Variants in TRIM2 observed in about 807,000 individuals in gnomAD.
TRIM2 encodes the protein tripartite motif-containing protein 2.
TRIM2 carries 20 observed loss-of-function variants against 75.2 expected under a neutral mutation model. That is an observed-to-expected ratio of 0.27 (90% confidence interval 0.19 to 0.39). The LOEUF (loss-of-function observed/expected upper bound fraction) is 0.39, where lower values mean the gene tolerates loss of function less well. Ranked by LOEUF, TRIM2 falls within the 10% of genes least tolerant of loss-of-function variation. The probability of loss-of-function intolerance (pLI) is 1.00; values close to 1 mark genes in which losing one functional copy is unlikely to be tolerated. For synonymous variants in TRIM2, 373 were observed against 388.3 expected (o/e 0.96, Z 0.46); for missense variants, 660 against 990.8 (o/e 0.67, Z 4.48).
intron 4 of TRIM2, among the ~76,000 whole-genome samples, chr4:153,293,982 A>G (rs771664120): frequency 2.0e-5 from 3 of 152,162 alleles, no homozygotes; most frequent in Non-Finnish European, 4.4e-5. Context: ...ACATCATACA[A>G]TGCACCAGAC....
At chr4:153,284,916 C>T (rs934237691) in intron 3 of TRIM2, among the ~76,000 whole-genome samples, 1 of 152,014 alleles carries the variant, frequency 6.6e-6, no homozygotes, top group African/African-American at 2.4e-5. Context: ...TTATTAGTGT[C>T]CTTTGATTCA....
intron 1 of TRIM2, among the ~76,000 whole-genome samples, chr4:153,261,046 C>A (rs1485690097): frequency 2.6e-5 from 4 of 152,084 alleles, no homozygotes; most frequent in African/African-American, 9.7e-5. Flanking sequence ...CCAAATGGTT[C>A]AGGATTTCCT....
At chr4:153,270,027 C>T (rs563075031) in intron 1 of TRIM2, among the ~76,000 whole-genome samples, 1 of 152,222 alleles carries the variant, frequency 6.6e-6, no homozygotes, top group Non-Finnish European at 1.5e-5. Flanking sequence ...CTCCTGGGTT[C>T]AGGTGATTCT....
chr4:153,164,684 T>C (rs1035720455), intron 1 of TRIM2, among the ~76,000 whole-genome samples: 3 of 152,216 alleles, frequency 2.0e-5, no homozygotes, highest in Non-Finnish European at 4.4e-5. Flanking sequence ...GATATACATA[T>C]ACTACTGATT....
In TRIM2 at chr4:153,295,945, C is replaced by T. The variant is rs1256788144; in HGVS notation, c.1419C>T (p.Val473=). 1 of 1,588,214 alleles carries T rather than the reference C, an allele frequency of 6.3e-7. No individual in the cohort carries two copies. The highest frequency in any genetic ancestry group is 1.8e-5 in the Admixed American group (1 of 55,994). Residue 473 remains valine (V), a synonymous_variant, in exon 6 of 12, where the codon GTC becomes GTT. Coordinates refer to ENST00000338700, the MANE Select transcript of TRIM2 (RefSeq NM_015271.5). This position sits in a 1 kb window ranked among gnomAD's most constrained non-coding sequence, Gnocchi z 7.2. ...TTAAGTCCCCGGGGAGCGGCCACGT[C>T]AAGCAGAAAGCTGTGAAAAGACCCG... is the stretch of plus-strand genomic sequence containing the variant. ...RRVKSPGSGH[V]KQKAVKRPAS...
intron 1 of TRIM2, among the ~76,000 whole-genome samples, chr4:153,187,727 G>A (rs149645653): frequency 1.3e-5 from 2 of 152,290 alleles, no homozygotes; most frequent in African/African-American, 4.8e-5. Context: ...GGAAGTCTGT[G>A]TGAGGTAGAC....
chr4:153,301,250 G>A (rs72967143), intron 6 of TRIM2, among the ~76,000 whole-genome samples: 4,105 of 151,884 alleles, frequency 0.027, 103 homozygotes, highest in African/African-American at 0.07. Context: ...ACAAACTCTG[G>A]GCTCAATAGG....
intron 1 of TRIM2, among the ~76,000 whole-genome samples, chr4:153,190,741 T>C (rs1560797971): frequency 6.6e-6 from 1 of 152,094 alleles, no homozygotes; most frequent in Non-Finnish European, 1.5e-5. Flanking sequence ...TTTCTTTTTT[T>C]ATTTTGTATT....
chr4:153,296,442 G>A (rs557903608), intron 6 of TRIM2, among the ~76,000 whole-genome samples: 1 of 152,304 alleles, frequency 6.6e-6, no homozygotes, highest in South Asian at 2.1e-4. Flanking sequence ...TCCCTGGGAG[G>A]GTCTTCTTGT....
At position 153,270,378 on chromosome 4, in the gene TRIM2, G is replaced by T; in HGVS notation, c.74G>T (p.Trp25Leu). ...GSKTAGPPCQ[W>L]SRMASEGTNI... ...AAGACAGCCGGCCCCCCATGTCAGT[G>T]GTCTAGGATGGCCAGTGAAGGCACC... Residue 25 changes from tryptophan to leucine, a missense_variant, in exon 2 of 12, where the codon TGG becomes TTG. By Grantham distance (61) the Trp-to-Leu change is moderately conservative. Coordinates refer to ENST00000338700, the MANE Select transcript of TRIM2 (RefSeq NM_015271.5). 6.2e-7 allele frequency: 1 copy of T among 1,613,928 alleles called. No individual in the cohort carries two copies. Among genetic ancestry groups the T allele is most frequent in the Non-Finnish European group, 8.5e-7 (1 of 1,179,894 alleles).
intron 1 of TRIM2, among the ~76,000 whole-genome samples, chr4:153,188,987 C>T (rs112740222): frequency 0.024 from 3,630 of 152,118 alleles, 67 homozygotes; most frequent in Non-Finnish European, 0.036. Context: ...ATCTCCATGG[C>T]TTTGCACAGG....
At chr4:153,199,124 G>A (rs750177807) in intron 1 of TRIM2, among the ~76,000 whole-genome samples, 7 of 152,144 alleles carry the variant, frequency 4.6e-5, no homozygotes, top group East Asian at 1.9e-4. Context: ...AATAGGCCCC[G>A]GGGATATGTG....
At chr4:153,241,675 C>T (rs1369935737) in intron 1 of TRIM2, among the ~76,000 whole-genome samples, 4 of 152,168 alleles carry the variant, frequency 2.6e-5, no homozygotes, top group Non-Finnish European at 5.9e-5. Context: ...GCATTAAGAG[C>T]GCCTCGTTGC....
chr4:153,327,901 T>C lies in TRIM2; in HGVS notation c.2023-629T>C, dbSNP rs183486732. ...TATATTCATCAAAGCCTTAGGATCATATAAACTCTCGAACTAAAATATCTT... is the reference window on the plus strand; with the variant it reads ...TATATTCATCAAAGCCTTAGGATCACATAAACTCTCGAACTAAAATATCTT... On this transcript the variant is annotated intron_variant, in intron 10 of 11. Coordinates refer to ENST00000338700, the MANE Select transcript of TRIM2 (RefSeq NM_015271.5). 3.3e-5 allele frequency among the ~76,000 whole-genome samples: 5 copies of C among 152,234 alleles called. 1 individual carries two copies. The highest frequency in any genetic ancestry group is 1.2e-4 in the African/African-American group (5 of 41,470).
At chr4:153,244,379 T>TTCC (rs1748196982) in intron 1 of TRIM2, among the ~76,000 whole-genome samples, 1 of 65,356 alleles carries the variant, frequency 1.5e-5, no homozygotes. Context: ...CTTCTTCTTC[T>TTCC]TCTTCTTCTT....
chr4:153,281,486 T>C, intron 3 of TRIM2, among the ~76,000 whole-genome samples: 1 of 152,268 alleles, frequency 6.6e-6, no homozygotes, highest in East Asian at 1.9e-4. Context: ...TCACTGCTGC[T>C]GTTTTGAAAC....
Position 153,338,906 on chromosome 4 carries a change from C to T in TRIM2, c.*3940C>T, listed in dbSNP as rs996948022. Reference sequence around the variant, plus strand: ...ATTCTTGTAATAGAATTCTTTATATCGTTCTCAATTCTATAGACTTTCAAG... The same window carrying T: ...ATTCTTGTAATAGAATTCTTTATATTGTTCTCAATTCTATAGACTTTCAAG... On this transcript the variant is annotated 3_prime_UTR_variant, in exon 12 of 12. Transcript: ENST00000338700. 57 of 983,436 alleles carry T rather than the reference C, an allele frequency of 5.8e-5. No homozygotes were observed. Among genetic ancestry groups the T allele is most frequent in the Non-Finnish European group, 6.5e-5 (54 of 829,488 alleles). 60.9% of individuals were successfully genotyped at this position (983,436 alleles called of 1,614,324 possible). A position where few individuals can be genotyped will look rare whatever the true frequency, so the allele number is the denominator to read the frequency against.
At chr4:153,190,887 G>T (rs1444163295) in intron 1 of TRIM2, among the ~76,000 whole-genome samples, 1 of 151,988 alleles carries the variant, frequency 6.6e-6, no homozygotes, top group African/African-American at 2.4e-5. Context: ...ACAAGTGGCC[G>T]CCATCATGCC....
upstream of TRIM2, among the ~76,000 whole-genome samples, chr4:153,202,894 C>G (rs183368342): frequency 1.4e-3 from 205 of 151,692 alleles, no homozygotes; most frequent in African/African-American, 4.8e-3. Context: ...ATCACGAGGT[C>G]AAGAGACTGA....
Sources: allele counts gnomAD v4.1 joint callset (sites outside exome capture counted in the v4.1 genomes callset), GRCh38; gene constraint gnomAD v4.1.1; non-coding constraint Gnocchi (gnomAD v3.1); transcripts MANE v1.5; gene names NCBI Gene and HGNC (gene_info 2026-07-23, HGNC 2026-07-21).